BSND: variants seen among roughly 807,000 people sequenced by gnomAD.
BSND encodes the protein barttin.
In BSND, 13 loss-of-function variants were observed where a neutral mutation model predicts 18.8. That is an observed-to-expected ratio of 0.69 (90% confidence interval 0.45 to 1.10). BSND has a LOEUF of 1.10. Among genes scored for constraint, BSND ranks in the 50% least tolerant of loss-of-function variants. The pLI, the probability that BSND is intolerant of heterozygous loss-of-function variation, is 0.00. For synonymous variants in BSND, 170 were observed against 161.8 expected (o/e 1.05, Z -0.39); for missense variants, 379 against 416.7 (o/e 0.91, Z 0.79).
intron 2 of BSND, among the ~76,000 whole-genome samples, chr1:55,006,777 TAG>T (rs771253757): frequency 2.0e-5 from 3 of 152,146 alleles, no homozygotes; most frequent in Non-Finnish European, 4.4e-5. Context: ...AAACACTGGA[TAG>T]AGAGTCAGAC....
In BSND at chr1:55,008,198, G is replaced by C; in HGVS notation, c.549-16G>C. 6.2e-7 allele frequency: 1 copy of C among 1,611,762 alleles called. No individual in the cohort carries two copies. The highest frequency in any genetic ancestry group is 8.5e-7 in the Non-Finnish European group (1 of 1,178,032). ...ACTCAGAGATACCCTTGCCCTTGTG[G>C]TCTTTGTCCCTGCAGCCCCCTGGCC... On this transcript the variant is annotated splice_polypyrimidine_tract_variant and intron_variant, in intron 3 of 3. Transcript: ENST00000651561.
At chr1:55,005,673 GTGTT>G (rs1644386034) in intron 2 of BSND, among the ~76,000 whole-genome samples, 1 of 152,222 alleles carries the variant, frequency 6.6e-6, no homozygotes, top group Admixed American at 6.5e-5. Flanking sequence ...TCTTCTATGA[GTGTT>G]TGTCATCATT....
intron 1 of BSND, among the ~76,000 whole-genome samples, chr1:55,002,804 A>T (rs568292157): frequency 7.7e-4 from 112 of 144,772 alleles, no homozygotes; most frequent in African/African-American, 2.8e-3. Flanking sequence ...GATGATGATG[A>T]TGATGATGTT....
intron 1 of BSND, among the ~76,000 whole-genome samples, chr1:55,001,403 A>G (rs1644361313): frequency 6.6e-6 from 1 of 152,008 alleles, no homozygotes; most frequent in Admixed American, 6.6e-5. Flanking sequence ...GCCAGCACAA[A>G]TTGACTCCAA....
Position 55,014,921 on chromosome 1 carries a change from A to G in BSND, c.*6293A>G, listed in dbSNP as rs978011497. ...AGTGAGGGTATCTCAGGCAGAGGGC[A>G]TGGCATAGGCAAAGCCTTGGGGGAA... On this transcript the variant is annotated 3_prime_UTR_variant, in exon 4 of 4. Transcript: ENST00000651561. Among the ~76,000 whole-genome samples the G allele has an allele frequency of 3.3e-5, 5 of 152,202 alleles. No individual in the cohort carries two copies. Among genetic ancestry groups the G allele is most frequent in the African/African-American group, 1.2e-4 (5 of 41,464 alleles).
intron 1 of BSND, among the ~76,000 whole-genome samples, chr1:55,001,252 A>G (rs1644360325): frequency 6.8e-6 from 1 of 146,156 alleles, no homozygotes; most frequent in Non-Finnish European, 1.5e-5. Context: ...GTGTTGGGGG[A>G]GACCTGGCAT....
In BSND at chr1:55,008,800, A is replaced by G. The variant is rs1461284195; in HGVS notation, c.*172A>G. On this transcript the variant is annotated 3_prime_UTR_variant, in exon 4 of 4. Transcript: ENST00000651561. ...GGGAGGGGATGATGACTATTAGTGG[A>G]CTCTTGTTTTTCCAATAGTTAGTGG... 3.6e-5 allele frequency: 37 copies of G among 1,016,676 alleles called. No individual in the cohort carries two copies. Among genetic ancestry groups the G allele is most frequent in the Admixed American group, 6.6e-5 (3 of 45,632 alleles). The allele number at this position is 1,016,676 out of a possible 1,614,324, so 63.0% of individuals were successfully genotyped here.
rs1644432259 is a variant in BSND at position 55,013,379 on chromosome 1, T to C, written c.*4751T>C. 6.6e-6 allele frequency among the ~76,000 whole-genome samples: 1 copy of C among 152,118 alleles called. No individual in the cohort carries two copies. The highest frequency in any genetic ancestry group is 6.5e-5 in the Admixed American group (1 of 15,272). On this transcript the variant is annotated 3_prime_UTR_variant, in exon 4 of 4. Coordinates refer to ENST00000651561, the MANE Select transcript of BSND (RefSeq NM_057176.3). Reference sequence around the variant, plus strand: ...GGTTTCATCATGTTGGCCAGGCTGGTCTTGTACCCCTGACCTCAGATGATC... The same window carrying C: ...GGTTTCATCATGTTGGCCAGGCTGGCCTTGTACCCCTGACCTCAGATGATC...
Position 54,999,084 on chromosome 1 carries a change from T to G in BSND, c.-103T>G. ...CCTTGAAGCCTTGAGTTGCAGCGAT[T>G]TCAGTGTCTTCTCTCCCTGTGTAAG... On this transcript the variant is annotated 5_prime_UTR_variant, in exon 1 of 4. In the 5' UTR this introduces an upstream ATG that the reference lacks. Transcript: ENST00000651561. 1 of 1,423,688 alleles carries G rather than the reference T, an allele frequency of 7.0e-7. No homozygotes were observed. The highest frequency in any genetic ancestry group is 9.8e-7 in the Non-Finnish European group (1 of 1,024,242). The allele number at this position is 1,423,688 out of a possible 1,614,324, so 88.2% of individuals were successfully genotyped here. A position where few individuals can be genotyped will look rare whatever the true frequency, so the allele number is the denominator to read the frequency against.
At chr1:55,002,914 A>G (rs979392359) in intron 1 of BSND, among the ~76,000 whole-genome samples, 36 of 152,150 alleles carry the variant, frequency 2.4e-4, no homozygotes, top group African/African-American at 8.7e-4. Context: ...TATGGTGATT[A>G]GGAGATGGTG....
Position 55,005,079 on chromosome 1 carries a change from G to A in BSND, c.235G>A (p.Gly79Ser). The A allele has an allele frequency of 6.2e-7, 1 of 1,614,206 alleles. No individual in the cohort carries two copies. The highest frequency in any genetic ancestry group is 8.5e-7 in the Non-Finnish European group (1 of 1,180,038). ...FQGILSPKAMGLLENGLAAEM... is the reference protein window; with the variant it reads ...FQGILSPKAMSLLENGLAAEM... ...AGGCATCCTCTCCCCAAAGGCCATGGGCCTGCTGGAGAATGGGCTTGCTGC... is the reference window on the plus strand; with the variant it reads ...AGGCATCCTCTCCCCAAAGGCCATGAGCCTGCTGGAGAATGGGCTTGCTGC... Residue 79 changes from glycine (G) to serine (S), a missense_variant, in exon 2 of 4, where the codon GGC (glycine) becomes AGC (serine). Gly to Ser is a moderately conservative substitution (Grantham distance 56, BLOSUM62 0). Transcript: ENST00000651561.
intron 3 of BSND, 28 bp from the exon 4 acceptor site, chr1:55,008,186 C>G (rs1321349753): frequency 6.2e-7 from 1 of 1,601,148 alleles, no homozygotes; most frequent in East Asian, 2.2e-5. Flanking sequence ...CAGAGATACC[C>G]TTGCCCTTGT....
At chr1:55,003,225 TTTTTTG>T (rs1157521460) in intron 1 of BSND, among the ~76,000 whole-genome samples, 2 of 151,734 alleles carry the variant, frequency 1.3e-5, no homozygotes, top group Non-Finnish European at 2.9e-5. Flanking sequence ...TTTCCTTTTC[TTTTTTG>T]TTTTTAAGAG....
intron 1 of BSND, among the ~76,000 whole-genome samples, chr1:55,004,232 A>G (rs1644378600): frequency 6.6e-6 from 1 of 152,270 alleles, no homozygotes; most frequent in African/African-American, 2.4e-5. Flanking sequence ...CCATTCATTC[A>G]TCAGTGGATA....
At position 55,008,780 on chromosome 1, in the gene BSND, G is replaced by A. The variant is rs1336768624; in HGVS notation, c.*152G>A. 3.4e-6 allele frequency: 4 copies of A among 1,174,776 alleles called. No homozygotes were observed. Among genetic ancestry groups the A allele is most frequent in the Non-Finnish European group, 4.9e-6 (4 of 812,992 alleles). 72.8% of individuals were successfully genotyped at this position (1,174,776 alleles called of 1,614,324 possible). On this transcript the variant is annotated 3_prime_UTR_variant, in exon 4 of 4. Coordinates refer to ENST00000651561, the MANE Select transcript of BSND (RefSeq NM_057176.3). ...GAATGGTAAAGAAATACACAGGGAGGGGATGATGACTATTAGTGGACTCTT... is the reference window on the plus strand; with the variant it reads ...GAATGGTAAAGAAATACACAGGGAGAGGATGATGACTATTAGTGGACTCTT...
At position 55,005,131 on chromosome 1, in the gene BSND, C is replaced by T; in HGVS notation, c.272+15C>T. ...GAGATGAAGAGGTAGGTGCCAGGCCCTCTCGGGAGGGGAGGAGTAAGCCCC... is the reference window on the plus strand; with the variant it reads ...GAGATGAAGAGGTAGGTGCCAGGCCTTCTCGGGAGGGGAGGAGTAAGCCCC... On this transcript the variant is annotated intron_variant, in intron 2 of 3. Transcript: ENST00000651561. 1 of 1,613,500 alleles carries T rather than the reference C, an allele frequency of 6.2e-7. No homozygotes were observed. Among genetic ancestry groups the T allele is most frequent in the East Asian group, 2.2e-5 (1 of 44,874 alleles).
rs144505461 is a variant in BSND, at chr1:55,005,033, C to T, written c.189C>T (p.Val63=). 2.0e-3 allele frequency: 3,219 copies of T among 1,614,204 alleles called. 22 individuals are homozygous for T. The highest frequency in any genetic ancestry group is 9.6e-3 in the Middle Eastern group (58 of 6,062). Residue 63 remains valine (V), a synonymous_variant, in exon 2 of 4, where the codon GTC becomes GTT. Transcript: ENST00000651561. The part of the protein sequence containing the change: ...MCQCYPKITF[V]PADSDFQGIL... Reference sequence around the variant, plus strand: ...TCCTTTGCTTGCAGATCACCTTCGTCCCTGCTGACTCTGACTTTCAAGGCA... The same window carrying T: ...TCCTTTGCTTGCAGATCACCTTCGTTCCTGCTGACTCTGACTTTCAAGGCA...
chr1:55,012,324 C>T lies in BSND; in HGVS notation c.*3696C>T, dbSNP rs552574476. ...GTCACCCCTATTACCCTATCTAGTC[C>T]GTGAAACAGCCCTGGGGGACCGATC... is the stretch of plus-strand genomic sequence containing the variant. On this transcript the variant is annotated 3_prime_UTR_variant, in exon 4 of 4. Coordinates refer to ENST00000651561, the MANE Select transcript of BSND (RefSeq NM_057176.3). Among the ~76,000 whole-genome samples the T allele has an allele frequency of 1.4e-4, 22 of 152,288 alleles. No homozygotes were observed. In the South Asian group the frequency reaches 3.1e-3, roughly 22 times the overall value.
At chr1:55,007,315 A>C (rs749110043) in intron 3 of BSND, 43 bp downstream of exon 3, 4 of 1,151,034 alleles carry the variant, frequency 3.5e-6, no homozygotes, top group Non-Finnish European at 2.3e-6. Context: ...GCCCAGTTCA[A>C]GGGTTAAAAA....
Sources: allele counts gnomAD v4.1 joint callset (sites outside exome capture counted in the v4.1 genomes callset), GRCh38; gene constraint gnomAD v4.1.1; transcripts MANE v1.5; gene names NCBI Gene and HGNC (gene_info 2026-07-23, HGNC 2026-07-21).